CACNA1C: variants seen among roughly 807,000 people sequenced by gnomAD.
CACNA1C encodes calcium voltage-gated channel subunit alpha1 C.
A neutral mutation model predicts 229.0 loss-of-function variants in CACNA1C; 30 were observed. The ratio of observed to expected loss-of-function variants is 0.13; its 90% confidence interval spans 0.10 to 0.18. CACNA1C has a LOEUF of 0.18. Ranked by LOEUF, CACNA1C falls within the 10% of genes least tolerant of loss-of-function variation. CACNA1C has a pLI of 1.00. For synonymous variants in CACNA1C, 1,114 were observed against 1,132.5 expected (o/e 0.98, Z 0.33); for missense variants, 1,658 against 2,845.0 (o/e 0.58, Z 9.49).
intron 9 of CACNA1C, among the ~76,000 whole-genome samples, chr12:2,514,208 A>G (rs1030876910): frequency 6.6e-6 from 1 of 152,242 alleles, no homozygotes; most frequent in Non-Finnish European, 1.5e-5. Flanking sequence ...CCAGGAGCAG[A>G]AACAGGTGCA....
intron 3 of CACNA1C, among the ~76,000 whole-genome samples, chr12:2,304,262 A>AG (rs2094827093): frequency 6.6e-6 from 1 of 152,046 alleles, no homozygotes; most frequent in Non-Finnish European, 1.5e-5. Context: ...GGAGGGCTTG[A>AG]GGAGGTGCAC....
At chr12:2,462,072 CCTTCACCCT>C (rs968543484) in intron 5 of CACNA1C, among the ~76,000 whole-genome samples, 13 of 152,110 alleles carry the variant, frequency 8.5e-5, no homozygotes, top group African/African-American at 2.9e-4. Context: ...AAGCTCACCC[CCTTCACCCT>C]CCCCTCCTCT....
intron 11 of CACNA1C, among the ~76,000 whole-genome samples, chr12:2,559,730 G>C (rs2046464215): frequency 2.0e-5 from 3 of 152,298 alleles, no homozygotes; most frequent in African/African-American, 7.2e-5. Flanking sequence ...GCCAATCACT[G>C]TGCCATCCTT....
chr12:2,229,879 GC>G (rs2064254751), intron 3 of CACNA1C, among the ~76,000 whole-genome samples: 1 of 152,172 alleles, frequency 6.6e-6, no homozygotes, highest in Non-Finnish European at 1.5e-5. Context: ...GGCAGCTTTT[GC>G]CCGGAAGGAG....
chr12:2,066,391 A>G lies in CACNA1C; in HGVS notation c.49+12780A>G, dbSNP rs184249060. 1.6e-3 allele frequency among the ~76,000 whole-genome samples: 244 copies of G among 152,282 alleles called. 1 individual carries two copies. Among genetic ancestry groups the G allele is most frequent in the African/African-American group, 5.1e-3 (214 of 41,560 alleles). On this transcript the variant is annotated intron_variant, in intron 1 of 46. Transcript: ENST00000399655. Reference sequence around the variant, plus strand: ...AAAATGGAGGAGACAATGACAGAGTAGTCAGGGAGGTAGCGGGAGAGCCTT... The same window carrying G: ...AAAATGGAGGAGACAATGACAGAGTGGTCAGGGAGGTAGCGGGAGAGCCTT...
chr12:2,251,872 T>C (rs1306917922), intron 3 of CACNA1C, among the ~76,000 whole-genome samples: 2 of 152,216 alleles, frequency 1.3e-5, no homozygotes, highest in East Asian at 3.8e-4. Context: ...AATCACTTTC[T>C]CACTCTGGCC....
chr12:2,063,215 G>A lies in CACNA1C; in HGVS notation c.49+9604G>A, dbSNP rs187706242. Among the ~76,000 whole-genome samples, 20 of 150,290 alleles carry A rather than the reference G, an allele frequency of 1.3e-4. No individual in the cohort carries two copies. The East Asian group carries it at 3.3e-3, about 25-fold the overall frequency. ...TCACCAGGCTGGAGTGCAGTGGTACGATCTCGTCTCACTGCAACCTCCGAC... is the reference window on the plus strand; with the variant it reads ...TCACCAGGCTGGAGTGCAGTGGTACAATCTCGTCTCACTGCAACCTCCGAC... On this transcript the variant is annotated intron_variant, in intron 1 of 46. Coordinates refer to ENST00000399655, the MANE Select transcript of CACNA1C (RefSeq NM_000719.7).
intron 34 of CACNA1C, among the ~76,000 whole-genome samples, chr12:2,664,415 T>A (rs1490872162): frequency 1.3e-5 from 2 of 152,210 alleles, no homozygotes; most frequent in African/African-American, 4.8e-5. Flanking sequence ...TTTATTGCAG[T>A]GTTATTTGTA....
At chr12:2,195,638 C>T (rs2097376316) in intron 3 of CACNA1C, among the ~76,000 whole-genome samples, 1 of 152,114 alleles carries the variant, frequency 6.6e-6, no homozygotes, top group African/African-American at 2.4e-5. Context: ...GGGATGAAGG[C>T]AAGGAGGACA....
At chr12:2,216,396 A>G (rs2154343972) in intron 3 of CACNA1C, among the ~76,000 whole-genome samples, 1 of 152,258 alleles carries the variant, frequency 6.6e-6, no homozygotes, top group East Asian at 1.9e-4. Flanking sequence ...CGCAGTCCAC[A>G]ATTAGAGATA....
Position 2,034,787 on chromosome 12 carries a change from CAGAT to C in CACNA1C, c.139+63589_139+63592del, listed in dbSNP as rs1210105147. Among the ~76,000 whole-genome samples the C allele has an allele frequency of 6.6e-6, 1 of 152,206 alleles. No homozygotes were observed. The highest frequency in any genetic ancestry group is 1.5e-5 in the Non-Finnish European group (1 of 68,034). On this transcript the variant is annotated intron_variant, in intron 1 of 46. Transcript: ENST00000682462. The surrounding 1 kb of genome is among the most constrained non-coding windows in gnomAD (Gnocchi z 4.1). ...GCTCTGCAGATATAGCTGTGAATAA[CAGAT>C]AGTCCCTGTGCAAGGAATCTATAGA...
At chr12:1,990,078 G>A (rs1257140745) in intron 1 of CACNA1C, among the ~76,000 whole-genome samples, 1 of 152,166 alleles carries the variant, frequency 6.6e-6, no homozygotes, top group Admixed American at 6.5e-5. Context: ...TGGGCCTTGG[G>A]TCTCGAAGTT....
chr12:2,333,213 T>G (rs916077021), intron 3 of CACNA1C, among the ~76,000 whole-genome samples: 3 of 152,136 alleles, frequency 2.0e-5, no homozygotes, highest in African/African-American at 7.2e-5. Context: ...CCCTAGTGGA[T>G]AAGGAACACT....
intron 15 of CACNA1C, 134 bp from the exon 16 acceptor site, chr12:2,584,368 AC>A: frequency 1.6e-6 from 1 of 635,976 alleles, no homozygotes; most frequent in Admixed American, 2.2e-5. Context: ...TTGGGGTCTG[AC>A]TCCCTCAAAT....
Position 2,403,032 on chromosome 12 carries a change from G to A in CACNA1C, c.478-45944G>A, listed in dbSNP as rs1484786713. ...ACAGATCATGAGGATCTTCAAGTTA[G>A]GGGCATTAGAATAGCACTGTGGGGC... On this transcript the variant is annotated intron_variant, in intron 3 of 46. Transcript: ENST00000399655. The surrounding 1 kb of genome is among the most constrained non-coding windows in gnomAD (Gnocchi z 4.1). Among the ~76,000 whole-genome samples, 1 of 152,154 alleles carries A rather than the reference G, an allele frequency of 6.6e-6. No homozygotes were observed. Among genetic ancestry groups the A allele is most frequent in the Non-Finnish European group, 1.5e-5 (1 of 68,018 alleles).
chr12:2,013,979 T>C (rs1478761727), intron 1 of CACNA1C, among the ~76,000 whole-genome samples: 1 of 152,218 alleles, frequency 6.6e-6, no homozygotes, highest in Non-Finnish European at 1.5e-5. Context: ...TCTGTTTTCC[T>C]TGAGGTAATT....
intron 37 of CACNA1C, among the ~76,000 whole-genome samples, chr12:2,667,740 G>A (rs745967064): frequency 1.3e-5 from 2 of 152,168 alleles, no homozygotes; most frequent in South Asian, 2.1e-4. Flanking sequence ...AAACTTTCCG[G>A]TGGCCAAGAT....
At chr12:2,233,847 C>A (rs544515612) in intron 3 of CACNA1C, among the ~76,000 whole-genome samples, 6 of 152,268 alleles carry the variant, frequency 3.9e-5, no homozygotes, top group Non-Finnish European at 5.9e-5. Context: ...CAAAAGGATC[C>A]CTTCAGCAAA....
intron 3 of CACNA1C, among the ~76,000 whole-genome samples, chr12:2,311,640 T>G (rs1310708771): frequency 6.6e-6 from 1 of 152,208 alleles, no homozygotes; most frequent in Non-Finnish European, 1.5e-5. Flanking sequence ...TTCCGCGATA[T>G]GTCAGACGTC....
Sources: gnomAD v4.1 joint callset for allele counts (sites outside exome capture counted in the v4.1 genomes callset) on GRCh38, gnomAD v4.1.1 for gene constraint, Gnocchi (gnomAD v3.1) non-coding constraint, MANE v1.5 for transcripts, NCBI Gene and HGNC (gene_info 2026-07-23, HGNC 2026-07-21) for gene names.